The following POC1B variants were observed in gnomAD, a reference collection of about 807,000 sequenced individuals.
POC1B encodes the protein POC1 centriolar protein B.
A neutral mutation model predicts 60.6 loss-of-function variants in POC1B; 44 were observed. That is an observed-to-expected ratio of 0.73 (90% CI 0.57 to 0.93). The LOEUF is 0.93. POC1B is among the 40% of genes least tolerant of loss of function. The pLI, the probability that POC1B is intolerant of heterozygous loss-of-function variation, is 0.00. For synonymous variants in POC1B, 180 were observed against 198.9 expected, an observed-to-expected ratio of 0.90 and a Z score of 0.80; for missense variants, 555 against 572.3, an observed-to-expected ratio of 0.97 and a Z score of 0.31.
rs891214697 is a variant in POC1B at position 89,525,353 on chromosome 12, AC to A, written c.16-150del. On this transcript the variant is annotated intron_variant, in intron 1 of 11. Transcript: ENST00000313546. ...GGGCGGCGGGGCCGGGCAGCAGCCC[AC>A]CCACGGGCGCGGCGCCCAGTCCTGC... The A allele has an allele frequency of 4.9e-6, 7 of 1,429,270 alleles. No homozygotes were observed. In the African/African-American group the frequency reaches 1.0e-4, roughly 21 times the overall value. 88.5% of individuals were successfully genotyped at this position (1,429,270 alleles called of 1,614,324 possible).
At chr12:89,421,389 G>A in intron 11 of POC1B, 132 bp from the exon 12 acceptor site, 1 of 673,220 alleles carries the variant, frequency 1.5e-6, no homozygotes, top group Non-Finnish European at 2.4e-6. Context: ...GCTCAAAAAT[G>A]AGCCCCAGAA....
At chr12:89,483,104 C>T (rs1160876861) in intron 4 of POC1B, among the ~76,000 whole-genome samples, 4 of 151,978 alleles carry the variant, frequency 2.6e-5, no homozygotes, top group African/African-American at 9.7e-5. Context: ...TTAGTAGAGA[C>T]GGGATTTCTC....
chr12:89,472,224 AAT>A lies in POC1B; in HGVS notation c.502_503del (p.Ile168Ter). On this transcript the variant is annotated frameshift_variant, in exon 5 of 12. Transcript: ENST00000313546. LOFTEE classifies it high-confidence loss of function. Reference protein sequence around the residue: ...LIVSCSEDKTIKIWDTTNKQC... With the variant: ...LIVSCSEDKTXKIWDTTNKQC... ...GCTTATTTGTGGTATCCCAAATTTT[AAT>A]AGTTTTATCCTCACTACATGACACA... 1 of 1,608,606 alleles carries A rather than the reference AAT, an allele frequency of 6.2e-7. No individual in the cohort carries two copies. The highest frequency in any genetic ancestry group is 1.7e-5 in the Admixed American group (1 of 59,914).
At chr12:89,413,676 A>C in the POC1B span, among the ~76,000 whole-genome samples, 1 of 152,152 alleles carries the variant, frequency 6.6e-6, no homozygotes, top group African/African-American at 2.4e-5. Context: ...ACTAACCCTT[A>C]CATTGTGTGG....
At chr12:89,510,866 T>G (rs1870147569) in intron 2 of POC1B, among the ~76,000 whole-genome samples, 1 of 149,934 alleles carries the variant, frequency 6.7e-6, no homozygotes, top group Non-Finnish European at 1.5e-5. Context: ...CAAGCAATTC[T>G]CCTGCCTCAG....
chr12:89,514,901 C>G (rs1214332827), intron 2 of POC1B, among the ~76,000 whole-genome samples: 3 of 152,124 alleles, frequency 2.0e-5, no homozygotes, highest in African/African-American at 7.2e-5. Context: ...TCCCCTTAAG[C>G]TGACCTGGTA....
chr12:89,447,246 T>C (rs1592593212), intron 10 of POC1B, among the ~76,000 whole-genome samples: 2 of 152,268 alleles, frequency 1.3e-5, no homozygotes, highest in Non-Finnish European at 2.9e-5. Context: ...AAAAAAATAA[T>C]ATGACATGTT....
intron 9 of POC1B, chr12:89,461,408 T>A (rs1256153577): frequency 6.6e-6 from 1 of 152,204 alleles, no homozygotes; most frequent in African/African-American, 2.4e-5. Context: ...AAGAAGATTG[T>A]CAAGGGTCAA....
the POC1B span, among the ~76,000 whole-genome samples, chr12:89,406,055 T>A: frequency 2.0e-5 from 3 of 151,140 alleles, no homozygotes; most frequent in Admixed American, 1.3e-4. Context: ...CATTTTTGTA[T>A]AACTATGTTC....
At chr12:89,435,846 G>A (rs141014562) in intron 10 of POC1B, among the ~76,000 whole-genome samples, 1 of 152,104 alleles carries the variant, frequency 6.6e-6, no homozygotes, top group East Asian at 1.9e-4. Flanking sequence ...TAATCAGAAT[G>A]ATGAAGAATT....
chr12:89,508,873 C>G lies in POC1B; in HGVS notation c.101-11531G>C, dbSNP rs1302328525. On this transcript the variant is annotated intron_variant, in intron 2 of 11. Transcript: ENST00000313546. ...TGTTTGTTTCCCCTTAGGCTATGAT[C>G]CTAAATTTCCTGAGGCCTACCCAGC... 4.6e-5 allele frequency among the ~76,000 whole-genome samples: 7 copies of G among 152,284 alleles called. No individual in the cohort carries two copies. In the East Asian group the frequency reaches 1.3e-3, roughly 29 times the overall value.
intron 4 of POC1B, among the ~76,000 whole-genome samples, chr12:89,476,394 T>C (rs77279900): frequency 1.6e-3 from 246 of 152,294 alleles, no homozygotes; most frequent in African/African-American, 5.8e-3. Flanking sequence ...AAAACGTCCA[T>C]GAACCATGAA....
the POC1B span, among the ~76,000 whole-genome samples, chr12:89,401,929 C>G: frequency 1.3e-5 from 2 of 152,234 alleles, no homozygotes; most frequent in African/African-American, 4.8e-5. Flanking sequence ...GTCAAACTTT[C>G]TCTTTTTTCC....
chr12:89,524,563 G>A (rs1324982650), intron 2 of POC1B: 6 of 1,610,114 alleles, frequency 3.7e-6, no homozygotes, highest in Non-Finnish European at 4.2e-6. Flanking sequence ...GATTCTCAGG[G>A]CTGAGGCGCA....
intron 9 of POC1B, among the ~76,000 whole-genome samples, chr12:89,463,279 C>T (rs1490402415): frequency 6.6e-6 from 1 of 151,960 alleles, no homozygotes; most frequent in African/African-American, 2.4e-5. Flanking sequence ...AATTATAATC[C>T]CTGCTTACAA....
intron 4 of POC1B, among the ~76,000 whole-genome samples, chr12:89,479,717 A>G (rs570986837): frequency 2.0e-5 from 3 of 152,172 alleles, no homozygotes; most frequent in Non-Finnish European, 4.4e-5. Context: ...CGAGATAGAC[A>G]CAGAATTTTA....
intron 4 of POC1B, among the ~76,000 whole-genome samples, chr12:89,488,296 A>AAG (rs1358385295): frequency 6.6e-6 from 1 of 152,172 alleles, no homozygotes; most frequent in African/African-American, 2.4e-5. Context: ...CTAATACCTC[A>AAG]GCTACAGGAA....
intron 2 of POC1B, among the ~76,000 whole-genome samples, chr12:89,510,322 T>C (rs1443271864): frequency 2.0e-5 from 3 of 152,228 alleles, no homozygotes; most frequent in Non-Finnish European, 1.5e-5. Context: ...GCCTTTCTGG[T>C]GTCTCAACTC....
intron 10 of POC1B, among the ~76,000 whole-genome samples, chr12:89,434,052 A>G (rs1881150072): frequency 6.6e-6 from 1 of 152,252 alleles, no homozygotes; most frequent in Non-Finnish European, 1.5e-5. Flanking sequence ...CCTTGTAGGA[A>G]CATACTCATC....
Sources: gnomAD v4.1 joint callset for allele counts (sites outside exome capture counted in the v4.1 genomes callset) on GRCh38, gnomAD v4.1.1 for gene constraint, MANE v1.5 for transcripts, NCBI Gene and HGNC (gene_info 2026-07-23, HGNC 2026-07-21) for gene names.